SYNE2: variants seen among roughly 807,000 people sequenced by gnomAD.
The protein encoded by SYNE2 is spectrin repeat containing nuclear envelope protein 2, also known as nesprin-2.
In SYNE2, 431 loss-of-function variants were observed where a neutral mutation model predicts 856.3. The observed-to-expected ratio is 0.50, with a 90% CI of 0.47 to 0.55. The LOEUF is 0.55. Ranked by LOEUF, SYNE2 falls within the 20% of genes least tolerant of loss-of-function variation. SYNE2 has a pLI of 0.00. For synonymous variants in SYNE2, 2,923 were observed against 2,872.3 expected (o/e 1.02, Z -0.56); for missense variants, 8,129 against 8,023.2 (o/e 1.01, Z -0.50).
At chr14:64,082,548 A>G (rs1307514584) in intron 57 of SYNE2, among the ~76,000 whole-genome samples, 3 of 152,156 alleles carry the variant, frequency 2.0e-5, no homozygotes, top group East Asian at 3.9e-4. Flanking sequence ...CTGAGAGTCA[A>G]TGAGAGCCAG....
chr14:63,944,913 T>C (rs1391976795), intron 6 of SYNE2, among the ~76,000 whole-genome samples: 4 of 140,606 alleles, frequency 2.8e-5, no homozygotes, highest in Non-Finnish European at 6.0e-5. Context: ...ATTCAAGTGA[T>C]TCTCATGCCT....
intron 1 of SYNE2, among the ~76,000 whole-genome samples, chr14:63,901,475 C>G (rs918195298): frequency 6.6e-6 from 1 of 152,044 alleles, no homozygotes; most frequent in Non-Finnish European, 1.5e-5. Context: ...CCCATAATCC[C>G]TTTCATTTCG....
chr14:64,010,137 A>T, intron 32 of SYNE2, 21 bp downstream of exon 32: 1 of 1,603,404 alleles, frequency 6.2e-7, no homozygotes, highest in Non-Finnish European at 8.5e-7. Flanking sequence ...GTTCCATTAG[A>T]AAAAACTGCC....
intron 1 of SYNE2, among the ~76,000 whole-genome samples, chr14:63,763,790 C>T (rs1352110462): frequency 6.6e-6 from 1 of 152,160 alleles, no homozygotes; most frequent in Non-Finnish European, 1.5e-5. Context: ...TCTGCCTCCC[C>T]AGTAGCTGGA....
intron 59 of SYNE2, among the ~76,000 whole-genome samples, chr14:64,090,455 C>T (rs2097601181): frequency 6.6e-6 from 1 of 152,170 alleles, no homozygotes; most frequent in African/African-American, 2.4e-5. Flanking sequence ...CAGCACAGTT[C>T]TGTTCAAGTC....
intron 96 of SYNE2, among the ~76,000 whole-genome samples, chr14:64,181,758 A>G (rs2098459268): frequency 2.0e-5 from 3 of 152,202 alleles, no homozygotes; most frequent in South Asian, 4.1e-4. Flanking sequence ...AAAAGATAAA[A>G]AAGAAAAATT....
Position 63,967,693 on chromosome 14 carries a change from A to T in SYNE2, c.991-16A>T, listed in dbSNP as rs745601390. On this transcript the variant is annotated splice_polypyrimidine_tract_variant and intron_variant, in intron 10 of 115. Coordinates refer to ENST00000555002, the MANE Select transcript of SYNE2 (RefSeq NM_182914.3). The stretch of plus-strand genomic sequence containing the variant: ...ATTAAACATTTTCAATCTTTAAAAT[A>T]CTCTTCTAATTGCAGAGCCTGCTGT... 105 of 1,612,842 alleles carry T rather than the reference A, an allele frequency of 6.5e-5. No individual in the cohort carries two copies. Among genetic ancestry groups the T allele is most frequent in the Non-Finnish European group, 8.2e-5 (97 of 1,179,176 alleles).
At chr14:64,200,415 C>T (rs2098556900) in intron 99 of SYNE2, among the ~76,000 whole-genome samples, 2 of 152,182 alleles carry the variant, frequency 1.3e-5, no homozygotes, top group Admixed American at 1.3e-4. Context: ...GGCAGTCCCT[C>T]AGGAACTGCC....
intron 7 of SYNE2, among the ~76,000 whole-genome samples, chr14:63,952,471 A>G (rs571320726): frequency 1.1e-4 from 17 of 152,206 alleles, no homozygotes; most frequent in Non-Finnish European, 2.4e-4. Flanking sequence ...AAAAGCCACA[A>G]TTACTTTTGC....
chr14:63,997,772 T>C (rs1384295346), intron 25 of SYNE2, among the ~76,000 whole-genome samples: 1 of 152,222 alleles, frequency 6.6e-6, no homozygotes, highest in African/African-American at 2.4e-5. Context: ...TCTGCTGCAT[T>C]ATAATGTATT....
chr14:64,065,488 C>G lies in SYNE2; in HGVS notation c.10269C>G (p.Ile3423Met), dbSNP rs35920722. The G allele has an allele frequency of 2.8e-3, 4,467 of 1,614,010 alleles. 110 individuals carry two copies. The African/African-American group carries it at 0.052, about 19-fold the overall frequency. ...TKEELMKLRQILRLLRLRCTE... is the reference protein window; with the variant it reads ...TKEELMKLRQMLRLLRLRCTE... ...AAGAGTTAATGAAACTACGACAGAT[C>G]CTTAGACTCTTGAGACTCAGGTGCA... The change falls in exon 51 of 116, where the codon ATC (isoleucine) becomes ATG (methionine). Residue 3423 changes from isoleucine to methionine, a missense_variant. By Grantham distance (10) the Ile-to-Met change is conservative. Around this residue, in one of 3 missense-constraint regions of SYNE2, gnomAD observed 5,410 missense variants for 5,284.8 expected, o/e 1.02. Coordinates refer to ENST00000555002, the MANE Select transcript of SYNE2 (RefSeq NM_182914.3).
rs766743484 is a variant in SYNE2, at chr14:63,856,798, G to T, written c.-52+3655G>T. Among the ~76,000 whole-genome samples, 365 of 152,076 alleles carry T rather than the reference G, an allele frequency of 2.4e-3. 5 individuals carry two copies. Among genetic ancestry groups the T allele is most frequent in the East Asian group, 2.7e-3 (14 of 5,178 alleles). On this transcript the variant is annotated intron_variant, in intron 1 of 115. Coordinates refer to ENST00000555002, the MANE Select transcript of SYNE2 (RefSeq NM_182914.3). ...ACTTATTTTATTTTTTTGAGACAAG[G>T]TCTCGTTCTATCACCCAGGCTGGAG...
rs748718664 is a variant in SYNE2 at position 64,052,318 on chromosome 14, G to A, written c.8405G>A (p.Ser2802Asn). ...CCTAGCCTTACAACCTATGAGGGCAGTGATTTAAATAATACCCTAGAGGAC... is the reference window on the plus strand; with the variant it reads ...CCTAGCCTTACAACCTATGAGGGCAATGATTTAAATAATACCCTAGAGGAC... ...KVPSLTTYEGSDLNNTLEDLR... is the reference protein window; with the variant it reads ...KVPSLTTYEGNDLNNTLEDLR... The change falls in exon 48 of 116, where the codon AGT becomes AAT. Residue 2802 changes from serine (S) to asparagine (N), a missense_variant. Ser to Asn is a conservative substitution (Grantham distance 46). This residue lies in a region of SYNE2 where 5,410 missense variants were observed against 5,284.8 expected (regional missense o/e 1.02). Coordinates refer to ENST00000555002, the MANE Select transcript of SYNE2 (RefSeq NM_182914.3). 4.3e-6 allele frequency: 7 copies of A among 1,614,062 alleles called. No individual in the cohort carries two copies. Among genetic ancestry groups the A allele is most frequent in the African/African-American group, 4.0e-5 (3 of 74,936 alleles).
rs747503445 is a variant in SYNE2 at position 63,982,747 on chromosome 14, A to C, written c.1954A>C (p.Arg652=). The change falls in exon 17 of 116, where the codon AGA becomes CGA. Residue 652 remains arginine (R), a synonymous_variant. Transcript: ENST00000555002. ...TGGATCATCTATTTCTAAAGAACTG[A>C]GAAGGCTGAATAAAAGATGGAGAAA... ...VVGSSISKEL[R]RLNKRWRKLV... 1 of 1,614,112 alleles carries C rather than the reference A, an allele frequency of 6.2e-7. No individual in the cohort carries two copies. Among genetic ancestry groups the C allele is most frequent in the South Asian group, 1.1e-5 (1 of 91,080 alleles).
chr14:64,015,059 A>G (rs1008458711), intron 32 of SYNE2, among the ~76,000 whole-genome samples: 15 of 144,372 alleles, frequency 1.0e-4, no homozygotes, highest in Middle Eastern at 3.6e-3. Flanking sequence ...ATATATAAAT[A>G]TATATGTGTA....
At chr14:64,189,132 A>G in intron 98 of SYNE2, 1 of 607,770 alleles carries the variant, frequency 1.6e-6, no homozygotes. Context: ...TCAAGAGTTC[A>G]AGACCAGCCT....
At chr14:63,948,648 G>A (rs1174662699) in intron 6 of SYNE2, among the ~76,000 whole-genome samples, 2 of 128,890 alleles carry the variant, frequency 1.6e-5, no homozygotes, top group African/African-American at 2.8e-5. Flanking sequence ...GCGACGGAGC[G>A]AGACTCCATC....
At chr14:64,192,549 C>T (rs1427836853) in intron 99 of SYNE2, among the ~76,000 whole-genome samples, 1 of 152,116 alleles carries the variant, frequency 6.6e-6, no homozygotes, top group South Asian at 2.1e-4. Context: ...TTGGAAAGAA[C>T]AGCTGGGGGA....
rs377173620 is a variant in SYNE2, at chr14:64,056,173, C to T, written c.9974C>T (p.Ala3325Val). 728 of 1,614,084 alleles carry T rather than the reference C, an allele frequency of 4.5e-4. 10 individuals are homozygous for T. In the South Asian group the frequency reaches 7.6e-3, roughly 17 times the overall value. ...CTGGGAATGATATCCAGCCCCGAAGCCAAACTACAACTTCAGTATACTTTA... is the reference window on the plus strand; with the variant it reads ...CTGGGAATGATATCCAGCCCCGAAGTCAAACTACAACTTCAGTATACTTTA... ...EKLGMISSPEAKLQLQYTLQE... is the reference protein window; with the variant it reads ...EKLGMISSPEVKLQLQYTLQE... The change falls in exon 49 of 116, where the codon GCC becomes GTC. Residue 3325 changes from alanine (A) to valine (V), a missense_variant. Physicochemically the swap from Ala to Val is moderately conservative, Grantham distance 64. Coordinates refer to ENST00000555002, the MANE Select transcript of SYNE2 (RefSeq NM_182914.3).
Sources: allele counts gnomAD v4.1 joint callset (sites outside exome capture counted in the v4.1 genomes callset), GRCh38; gene constraint gnomAD v4.1.1; regional missense constraint gnomAD v4.1.1; transcripts MANE v1.5; gene names NCBI Gene and HGNC (gene_info 2026-07-23, HGNC 2026-07-21).